Variants in CCSER1 observed in about 807,000 individuals in gnomAD.
The protein encoded by CCSER1 is serine-rich coiled-coil domain-containing protein 1.
In CCSER1, 41 loss-of-function variants were observed where a neutral mutation model predicts 82.0. The ratio of observed to expected loss-of-function variants is 0.50; its 90% CI spans 0.39 to 0.65. The LOEUF is 0.65. Among genes scored for constraint, CCSER1 ranks in the 30% least tolerant of loss-of-function variants. The pLI is 0.00. For synonymous variants in CCSER1, 414 were observed against 383.9 expected (o/e 1.08, Z -0.92); for missense variants, 1,119 against 1,064.2 (o/e 1.05, Z -0.72).
At chr4:91,358,469 A>T (rs1436277521) in intron 10 of CCSER1, among the ~76,000 whole-genome samples, 4 of 150,186 alleles carry the variant, frequency 2.7e-5, no homozygotes, top group Non-Finnish European at 3.0e-5. Context: ...ACAGGTAAAG[A>T]GGGCACACAC....
At chr4:91,581,744 T>A (rs1422479293) in intron 10 of CCSER1, among the ~76,000 whole-genome samples, 1 of 151,658 alleles carries the variant, frequency 6.6e-6, no homozygotes, top group Non-Finnish European at 1.5e-5. Context: ...CTGCAGAGTT[T>A]CTCAACATTA....
At chr4:90,812,810 G>A (rs12502242) in intron 7 of CCSER1, among the ~76,000 whole-genome samples, 25,215 of 151,976 alleles carry the variant, frequency 0.17, 2,265 homozygotes, top group Middle Eastern at 0.25. Flanking sequence ...AAGGGAAACT[G>A]CCACTTTTAA....
At chr4:90,797,544 T>C (rs1474754858) in intron 7 of CCSER1, among the ~76,000 whole-genome samples, 1 of 152,196 alleles carries the variant, frequency 6.6e-6, no homozygotes, top group East Asian at 1.9e-4. Flanking sequence ...ATTTTGCTAC[T>C]TGTTTATGTG....
Position 91,565,006 on chromosome 4 carries a change from A to G in CCSER1, c.2218-33566A>G, listed in dbSNP as rs1395893814. Reference sequence around the variant, plus strand: ...TTTATCATCTTGGGTTTTAAATTTAAGTCTTTAATGCACCTTGAGTTGTGT... The same window carrying G: ...TTTATCATCTTGGGTTTTAAATTTAGGTCTTTAATGCACCTTGAGTTGTGT... On this transcript the variant is annotated intron_variant, in intron 10 of 10. Transcript: ENST00000509176. Among the ~76,000 whole-genome samples, 12 of 130,914 alleles carry G rather than the reference A, an allele frequency of 9.2e-5. No homozygotes were observed. In the East Asian group the frequency reaches 2.5e-3, roughly 27 times the overall value. The allele number at this position is 130,914 out of a possible 152,430, so 85.9% of individuals were successfully genotyped here.
At chr4:90,821,414 G>A (rs989072317) in intron 8 of CCSER1, among the ~76,000 whole-genome samples, 16 of 152,076 alleles carry the variant, frequency 1.1e-4, no homozygotes, top group African/African-American at 3.4e-4. Context: ...AAGAACCAAC[G>A]TTCAGAATCA....
chr4:90,338,699 A>G (rs1383132185), intron 3 of CCSER1, among the ~76,000 whole-genome samples: 1 of 151,180 alleles, frequency 6.6e-6, no homozygotes, highest in Admixed American at 6.6e-5. Context: ...TTTTAATCAG[A>G]CGTACTCGCC....
At chr4:90,806,957 T>TG in intron 7 of CCSER1, among the ~76,000 whole-genome samples, 1 of 152,110 alleles carries the variant, frequency 6.6e-6, no homozygotes, top group East Asian at 1.9e-4. Context: ...AGAACCAACT[T>TG]GTGACATTTT....
intron 3 of CCSER1, among the ~76,000 whole-genome samples, chr4:90,369,811 T>A (rs2153523773): frequency 6.6e-6 from 1 of 152,148 alleles, no homozygotes; most frequent in East Asian, 1.9e-4. Context: ...TGCTGTTTCT[T>A]TGAGATACTG....
intron 10 of CCSER1, among the ~76,000 whole-genome samples, chr4:91,527,572 C>T (rs898014632): frequency 1.3e-5 from 2 of 152,030 alleles, no homozygotes; most frequent in East Asian, 3.9e-4. Flanking sequence ...TTTTGGAAAT[C>T]AAGTAGAATT....
intron 6 of CCSER1, among the ~76,000 whole-genome samples, chr4:90,685,272 A>T (rs56108718): frequency 0.46 from 69,745 of 151,778 alleles, 16,422 homozygotes; most frequent in Middle Eastern, 0.58. Context: ...GTTTCCAAGC[A>T]ACACTTCCAG....
intron 8 of CCSER1, among the ~76,000 whole-genome samples, chr4:90,854,465 T>C (rs1580789047): frequency 6.6e-6 from 1 of 152,304 alleles, no homozygotes; most frequent in East Asian, 1.9e-4. Context: ...TAAAGTCATT[T>C]TTTGCATTGC....
At chr4:91,427,200 C>G (rs1754037010) in intron 10 of CCSER1, among the ~76,000 whole-genome samples, 1 of 152,128 alleles carries the variant, frequency 6.6e-6, no homozygotes, top group Non-Finnish European at 1.5e-5. Flanking sequence ...CAGCCTTACA[C>G]ACTTTAAAGT....
At chr4:91,478,633 C>CA (rs1036443846) in intron 10 of CCSER1, among the ~76,000 whole-genome samples, 22 of 151,642 alleles carry the variant, frequency 1.5e-4, no homozygotes, top group African/African-American at 4.8e-4. Flanking sequence ...ATGACATCTG[C>CA]AAAAAAGTGT....
At chr4:90,347,760 C>T (rs896240853) in intron 3 of CCSER1, among the ~76,000 whole-genome samples, 37 of 151,864 alleles carry the variant, frequency 2.4e-4, no homozygotes, top group African/African-American at 7.2e-4. Context: ...GGGAAAGATA[C>T]GGAAAAATAA....
chr4:91,401,424 G>T (rs1311397668), intron 10 of CCSER1, among the ~76,000 whole-genome samples: 2 of 149,840 alleles, frequency 1.3e-5, no homozygotes, highest in South Asian at 2.1e-4. Flanking sequence ...TATACTTTAA[G>T]TTCTAGGGTA....
chr4:91,406,327 G>C (rs545722535), intron 10 of CCSER1, among the ~76,000 whole-genome samples: 1 of 152,062 alleles, frequency 6.6e-6, no homozygotes, highest in African/African-American at 2.4e-5. Context: ...AAACAGCAGG[G>C]TCTCTTTTAC....
intron 10 of CCSER1, among the ~76,000 whole-genome samples, chr4:91,557,236 T>G (rs1376997123): frequency 6.6e-6 from 1 of 151,358 alleles, no homozygotes; most frequent in Non-Finnish European, 1.5e-5. Flanking sequence ...TACAAGTCAA[T>G]TATTTGTTTC....
chr4:90,476,022 GTGTGTGTGTGTGTGTGTGTGTGTA>G (rs1253799761), intron 5 of CCSER1, among the ~76,000 whole-genome samples: 1 of 46,092 alleles, frequency 2.2e-5, no homozygotes, highest in Non-Finnish European at 8.8e-5. Flanking sequence ...TTCTTTTCTC[GTGTGTGTGTGTGTGTGTGTGTGTA>G]TGTGTGTGTG....
intron 10 of CCSER1, among the ~76,000 whole-genome samples, chr4:91,208,467 C>A (rs772191079): frequency 2.0e-5 from 3 of 151,842 alleles, no homozygotes; most frequent in Non-Finnish European, 4.4e-5. Flanking sequence ...TTCTGAGCAC[C>A]ACTTATCGAA....
Sources: gnomAD v4.1 joint callset for allele counts (sites outside exome capture counted in the v4.1 genomes callset) on GRCh38, gnomAD v4.1.1 for gene constraint, MANE v1.5 for transcripts, NCBI Gene and HGNC (gene_info 2026-07-23, HGNC 2026-07-21) for gene names.